Variants in FAM184B observed in about 807,000 individuals in gnomAD.
FAM184B encodes the protein family with sequence similarity 184 member B.
Under a neutral mutation model 135.9 loss-of-function variants are expected in FAM184B, and 111 were observed. That is an observed-to-expected ratio of 0.82 (90% confidence interval 0.70 to 0.96). The LOEUF (loss-of-function observed/expected upper bound fraction) is 0.96. FAM184B is among the 40% of genes least tolerant of loss of function. FAM184B has a pLI of 0.00. For missense variants in FAM184B, 1,375 were observed against 1,323.9 expected (o/e 1.04, Z -0.60); for synonymous variants, 552 against 524.8 (o/e 1.05, Z -0.71).
chr4:17,709,311 C>G lies in FAM184B; in HGVS notation c.475G>C (p.Glu159Gln), dbSNP rs764357829. 2.4e-5 allele frequency: 37 copies of G among 1,550,082 alleles called. No homozygotes were observed. Among genetic ancestry groups the G allele is most frequent in the Non-Finnish European group, 2.9e-5 (33 of 1,146,256 alleles). Reference protein sequence around the residue: ...REMLELKADYERRLQHLTSHE... With the variant: ...REMLELKADYQRRLQHLTSHE... ...CTCGTCAGGTGCTGGAGCCTCCTCT[C>G]GTAGTCAGCCTTGAGCTCCAGCATT... Residue 159 changes from glutamate to glutamine, a missense_variant, in exon 2 of 18, where the codon GAG (glutamate) becomes CAG (glutamine). Glu to Gln is a conservative substitution (Grantham distance 29, BLOSUM62 2). Coordinates refer to ENST00000265018, the MANE Select transcript of FAM184B (RefSeq NM_015688.2).
At chr4:17,777,465 A>G (rs987430511) in intron 1 of FAM184B, among the ~76,000 whole-genome samples, 3 of 152,204 alleles carry the variant, frequency 2.0e-5, no homozygotes, top group Admixed American at 6.5e-5. Context: ...ATGGTATGTA[A>G]ATTATACCTC....
rs1403404424 is a variant in FAM184B at position 17,698,100 on chromosome 4, AC to A, written c.1378-4689del. Reference sequence around the variant, plus strand: ...GAGAAAAAAAAAAACAAACAAAAAAACAATAACAAAGACAAGGATATTGAGA... The same window carrying A: ...GAGAAAAAAAAAAACAAACAAAAAAAAATAACAAAGACAAGGATATTGAGA... On this transcript the variant is annotated intron_variant, in intron 5 of 17. Coordinates refer to ENST00000265018, the MANE Select transcript of FAM184B (RefSeq NM_015688.2). Among the ~76,000 whole-genome samples the A allele has an allele frequency of 7.2e-5, 11 of 152,262 alleles. No homozygotes were observed. The East Asian group carries it at 1.9e-3, about 27-fold the overall frequency.
intron 7 of FAM184B, among the ~76,000 whole-genome samples, chr4:17,676,097 A>G (rs1716304214): frequency 6.6e-6 from 1 of 152,196 alleles, no homozygotes; most frequent in Non-Finnish European, 1.5e-5. Context: ...AAAGTTTTTG[A>G]CATGCCTTCC....
intron 8 of FAM184B, among the ~76,000 whole-genome samples, chr4:17,662,270 C>T (rs749629506): frequency 1.3e-5 from 2 of 152,110 alleles, no homozygotes; most frequent in East Asian, 1.9e-4. Flanking sequence ...GGATTGTTTA[C>T]GCTTCTGGGC....
At chr4:17,687,199 G>A (rs1470516195) in intron 7 of FAM184B, among the ~76,000 whole-genome samples, 1 of 152,212 alleles carries the variant, frequency 6.6e-6, no homozygotes, top group Non-Finnish European at 1.5e-5. Flanking sequence ...CGTGTACACA[G>A]AAATGGGTAA....
At chr4:17,680,367 AC>A (rs955646056) in intron 7 of FAM184B, among the ~76,000 whole-genome samples, 11 of 152,204 alleles carry the variant, frequency 7.2e-5, no homozygotes, top group African/African-American at 2.6e-4. Flanking sequence ...TCTTGTGAAA[AC>A]CTTAAAAGCC....
intron 11 of FAM184B, among the ~76,000 whole-genome samples, chr4:17,648,691 T>C (rs1225268481): frequency 6.6e-6 from 1 of 152,098 alleles, no homozygotes; most frequent in Non-Finnish European, 1.5e-5. Flanking sequence ...CAGGTTCTTC[T>C]TTCCACTGGT....
intron 14 of FAM184B, among the ~76,000 whole-genome samples, chr4:17,636,969 A>C (rs1715161147): frequency 6.6e-6 from 1 of 152,104 alleles, no homozygotes; most frequent in South Asian, 2.1e-4. Context: ...GGTTCTCTTA[A>C]TGCTCTGGCG....
intron 1 of FAM184B, among the ~76,000 whole-genome samples, chr4:17,721,210 C>T (rs1439296137): frequency 6.6e-6 from 1 of 151,506 alleles, no homozygotes; most frequent in African/African-American, 2.4e-5. Context: ...AGTGAAACCC[C>T]ATCTCTACTA....
intron 1 of FAM184B, among the ~76,000 whole-genome samples, chr4:17,747,979 G>A (rs1248763018): frequency 1.4e-5 from 2 of 138,632 alleles, no homozygotes; most frequent in Non-Finnish European, 3.1e-5. Context: ...GGTGGCGCAT[G>A]CCTGTAATCC....
Position 17,642,047 on chromosome 4 carries a change from G to A in FAM184B, c.2519+9C>T, listed in dbSNP as rs573193304. ...GTGGCGCGGTGGCGGGGCGCGCCGG[G>A]TCACCCACCTGCGCTGGTCTCGGAG... On this transcript the variant is annotated intron_variant, in intron 13 of 17. Coordinates refer to ENST00000265018, the MANE Select transcript of FAM184B (RefSeq NM_015688.2). 37 of 1,523,334 alleles carry A rather than the reference G, an allele frequency of 2.4e-5. No homozygotes were observed. The East Asian group carries it at 7.8e-4, about 32-fold the overall frequency. The allele number at this position is 1,523,334 out of a possible 1,614,324, so 94.4% of individuals were successfully genotyped here.
rs938448203 is a variant in FAM184B at position 17,635,091 on chromosome 4, G to T, written c.2807C>A (p.Ala936Glu). ...GTGGGACATGGCACTGGGGAATGCT[G>T]CGTAGTGAAATCTTCTCTCTTCCTA... ...QLTEERRFHY[A>E]AFPSAMSHRN... The change falls in exon 16 of 18, where the codon GCA becomes GAA. Residue 936 changes from alanine (A) to glutamate (E), a missense_variant. Physicochemically the swap from Ala to Glu is moderately radical, Grantham distance 107. Transcript: ENST00000265018. The T allele has an allele frequency of 6.4e-7, 1 of 1,551,510 alleles. No individual in the cohort carries two copies. The highest frequency in any genetic ancestry group is 1.4e-5 in the African/African-American group (1 of 73,046).
chr4:17,670,628 C>T (rs1446457733), intron 7 of FAM184B, among the ~76,000 whole-genome samples: 1 of 152,202 alleles, frequency 6.6e-6, no homozygotes, highest in African/African-American at 2.4e-5. Context: ...ACAACACTGG[C>T]TCCCAGCTAC....
intron 11 of FAM184B, 79 bp from the exon 12 acceptor site, chr4:17,647,870 GTGGGGTTGGATGA>G: frequency 1.4e-6 from 2 of 1,456,426 alleles, no homozygotes; most frequent in Non-Finnish European, 1.8e-6. Flanking sequence ...AGTCTCTGGG[GTGGGGTTGGATGA>G]CGTGGGTGGC....
chr4:17,718,852 C>T (rs1375358251), intron 1 of FAM184B, among the ~76,000 whole-genome samples: 1 of 152,220 alleles, frequency 6.6e-6, no homozygotes, highest in African/African-American at 2.4e-5. Context: ...TAACTCACTG[C>T]TGTAGCCATT....
At chr4:17,635,314 A>G (rs934328764) in intron 15 of FAM184B, among the ~76,000 whole-genome samples, 1 of 152,186 alleles carries the variant, frequency 6.6e-6, no homozygotes, top group Admixed American at 6.5e-5. Flanking sequence ...CCTCTTGTAA[A>G]GAAAAGGGCA....
At chr4:17,636,668 C>G in intron 14 of FAM184B, 23 bp from the exon 15 acceptor site, 4 of 1,516,890 alleles carry the variant, frequency 2.6e-6, no homozygotes, top group East Asian at 4.9e-5. Flanking sequence ...GGCATGCAGT[C>G]AAGTCCCCCT....
At chr4:17,694,431 G>A (rs748568737) in intron 5 of FAM184B, among the ~76,000 whole-genome samples, 4 of 151,826 alleles carry the variant, frequency 2.6e-5, no homozygotes, top group Non-Finnish European at 5.9e-5. Flanking sequence ...GCTGAGGCAG[G>A]AGAATGGTGT....
chr4:17,653,236 C>G (rs766442722), intron 10 of FAM184B, among the ~76,000 whole-genome samples: 2 of 152,182 alleles, frequency 1.3e-5, no homozygotes, highest in Admixed American at 6.5e-5. Flanking sequence ...ATCAAAGTTC[C>G]TTTAATGTAA....
Sources: allele counts gnomAD v4.1 joint callset (sites outside exome capture counted in the v4.1 genomes callset), GRCh38; gene constraint gnomAD v4.1.1; transcripts MANE v1.5; gene names NCBI Gene and HGNC (gene_info 2026-07-23, HGNC 2026-07-21).